COX7B2: variants seen among roughly 807,000 people sequenced by gnomAD.
The protein encoded by COX7B2 is cytochrome c oxidase subunit 7B2, mitochondrial.
For synonymous variants in COX7B2, 37 were observed against 32.1 expected, an observed-to-expected ratio of 1.15 and a Z score of -0.51; for missense variants, 109 against 95.9, an observed-to-expected ratio of 1.14 and a Z score of -0.57.
At chr4:46,806,178 C>T (rs1478420259) in intron 2 of COX7B2, among the ~76,000 whole-genome samples, 6 of 151,956 alleles carry the variant, frequency 3.9e-5, no homozygotes, top group Admixed American at 1.3e-4. Flanking sequence ...AAATATGCCC[C>T]TGCAATCTTC....
chr4:46,793,749 C>T (rs1051775820), intron 2 of COX7B2, among the ~76,000 whole-genome samples: 3 of 152,140 alleles, frequency 2.0e-5, no homozygotes, highest in Non-Finnish European at 2.9e-5. Context: ...GCAAGTTGAA[C>T]CCCCAGCCTC....
chr4:46,809,249 A>T (rs1044273247), intron 2 of COX7B2, among the ~76,000 whole-genome samples: 1 of 151,520 alleles, frequency 6.6e-6, no homozygotes, highest in Non-Finnish European at 1.5e-5. Flanking sequence ...TCTTAGTTTT[A>T]TTTACTCTTC....
chr4:46,810,793 TGAA>T (rs199945631), intron 2 of COX7B2, among the ~76,000 whole-genome samples: 1,674 of 152,250 alleles, frequency 0.011, 20 homozygotes, highest in Middle Eastern at 0.041. Flanking sequence ...GGTTTCTACT[TGAA>T]GAACTTCCTT....
At chr4:46,773,415 T>C (rs913900151) in intron 2 of COX7B2, among the ~76,000 whole-genome samples, 1 of 152,140 alleles carries the variant, frequency 6.6e-6, no homozygotes, top group Non-Finnish European at 1.5e-5. Context: ...CGTGTTTGCT[T>C]CCCCTTCTGC....
At chr4:46,801,328 C>A (rs778864491) in intron 2 of COX7B2, among the ~76,000 whole-genome samples, 3 of 152,066 alleles carry the variant, frequency 2.0e-5, no homozygotes, top group Non-Finnish European at 4.4e-5. Context: ...GACAGGGAAT[C>A]GACATAGATG....
At chr4:46,750,195 TACACAC>T (rs58139781) in intron 2 of COX7B2, among the ~76,000 whole-genome samples, 17,966 of 113,686 alleles carry the variant, frequency 0.16, 1,297 homozygotes, top group South Asian at 0.31. Flanking sequence ...ATCCCATCTC[TACACAC>T]ACACACACAC....
intron 1 of COX7B2, among the ~76,000 whole-genome samples, chr4:46,867,436 T>A (rs1195392959): frequency 6.6e-6 from 1 of 152,246 alleles, no homozygotes; most frequent in Non-Finnish European, 1.5e-5. Context: ...CTGCCTTTGA[T>A]GCTTATCAGC....
intron 1 of COX7B2, among the ~76,000 whole-genome samples, chr4:46,853,996 T>C (rs572240833): frequency 8.9e-4 from 135 of 152,282 alleles, no homozygotes; most frequent in Non-Finnish European, 1.5e-3. Context: ...GAAGGTTAAC[T>C]CTGTTTCTTT....
chr4:46,881,752 T>C (rs547871501), intron 1 of COX7B2, among the ~76,000 whole-genome samples: 5 of 152,254 alleles, frequency 3.3e-5, no homozygotes, highest in African/African-American at 1.2e-4. Flanking sequence ...GGGAGGCATG[T>C]TTGCCCTAAG....
At chr4:46,889,447 C>T (rs562139567) in intron 1 of COX7B2, among the ~76,000 whole-genome samples, 23 of 152,306 alleles carry the variant, frequency 1.5e-4, no homozygotes, top group African/African-American at 4.8e-4. Context: ...CATTTTAACT[C>T]AAGCTTTCAT....
intron 2 of COX7B2, among the ~76,000 whole-genome samples, chr4:46,767,931 G>A (rs1716640607): frequency 6.6e-6 from 1 of 152,236 alleles, no homozygotes; most frequent in Admixed American, 6.5e-5. Flanking sequence ...AATCCCTTAT[G>A]GGAGGGGGAG....
intron 2 of COX7B2, among the ~76,000 whole-genome samples, chr4:46,782,962 G>A (rs1030189321): frequency 4.6e-5 from 7 of 152,172 alleles, no homozygotes; most frequent in Non-Finnish European, 7.3e-5. Context: ...GCAAAACCAA[G>A]AACCCACCAA....
At chr4:46,813,671 A>G (rs1719402642) in intron 2 of COX7B2, among the ~76,000 whole-genome samples, 1 of 152,184 alleles carries the variant, frequency 6.6e-6, no homozygotes, top group African/African-American at 2.4e-5. Flanking sequence ...ATGTATACCT[A>G]TGTAACAAAT....
intron 2 of COX7B2, among the ~76,000 whole-genome samples, chr4:46,748,374 CA>C (rs36000689): frequency 6.6e-6 from 1 of 151,850 alleles, no homozygotes; most frequent in African/African-American, 2.4e-5. Context: ...AGTCTCAAAA[CA>C]AAAAAATACT....
At chr4:46,810,774 T>A (rs1436859918) in intron 2 of COX7B2, among the ~76,000 whole-genome samples, 3 of 152,092 alleles carry the variant, frequency 2.0e-5, no homozygotes, top group Non-Finnish European at 4.4e-5. Flanking sequence ...ATAGTAATGA[T>A]CATCCTTTGG....
chr4:46,827,619 G>A lies in COX7B2; in HGVS notation c.-50+17341C>T, dbSNP rs77563761. ...TGTGTCTTTAAAATATGAGCTACTC[G>A]TAGCATATCTGCACTAAAAGGAAAT... On this transcript the variant is annotated intron_variant, in intron 2 of 2. Coordinates refer to ENST00000355591, the MANE Select transcript of COX7B2 (RefSeq NM_130902.3). 1.2e-3 allele frequency among the ~76,000 whole-genome samples: 183 copies of A among 152,194 alleles called. 5 individuals are homozygous for A. The East Asian group carries it at 0.031, about 26-fold the overall frequency.
At chr4:46,875,112 C>G (rs147398228) in intron 1 of COX7B2, among the ~76,000 whole-genome samples, 3 of 152,126 alleles carry the variant, frequency 2.0e-5, no homozygotes, top group Non-Finnish European at 4.4e-5. Context: ...TATAAAGATA[C>G]CTTCTGCACA....
intron 2 of COX7B2, among the ~76,000 whole-genome samples, chr4:46,761,848 G>C (rs1429306823): frequency 6.6e-6 from 1 of 151,682 alleles, no homozygotes; most frequent in East Asian, 1.9e-4. Context: ...AATTATAAAA[G>C]ACCCCAAAAT....
intron 2 of COX7B2, among the ~76,000 whole-genome samples, chr4:46,741,289 G>A (rs1213943634): frequency 6.6e-6 from 1 of 152,092 alleles, no homozygotes; most frequent in Non-Finnish European, 1.5e-5. Flanking sequence ...GGATACAACT[G>A]ATATTTTGGT....
Sources: allele counts gnomAD v4.1 joint callset (sites outside exome capture counted in the v4.1 genomes callset), GRCh38; gene constraint gnomAD v4.1.1; transcripts MANE v1.5; gene names NCBI Gene and HGNC (gene_info 2026-07-23, HGNC 2026-07-21).